Variants in CNTN1 observed in about 807,000 individuals in gnomAD.
CNTN1 encodes contactin-1.
In CNTN1, 38 loss-of-function variants were observed where a neutral mutation model predicts 126.4. That is an observed-to-expected ratio of 0.30 (90% CI 0.23 to 0.39). The LOEUF (loss-of-function observed/expected upper bound fraction) is 0.39, where lower values mean the gene tolerates loss of function less well. CNTN1 is among the 10% of genes least tolerant of loss of function. CNTN1 has a pLI of 1.00. For synonymous variants in CNTN1, 413 were observed against 422.6 expected (o/e 0.98, Z 0.28); for missense variants, 1,009 against 1,248.4 (o/e 0.81, Z 2.89).
At chr12:40,785,346 C>G (rs984404820) in intron 1 of CNTN1, among the ~76,000 whole-genome samples, 10 of 151,874 alleles carry the variant, frequency 6.6e-5, no homozygotes, top group Admixed American at 3.9e-4. Context: ...TAGTGGAAGA[C>G]GAAGTGGGAG....
At chr12:40,775,779 A>G (rs1207504364) in intron 1 of CNTN1, among the ~76,000 whole-genome samples, 1 of 151,642 alleles carries the variant, frequency 6.6e-6, no homozygotes, top group African/African-American at 2.4e-5. Flanking sequence ...CCTAAGTTAG[A>G]CACAAATAAC....
chr12:40,696,739 A>G (rs922324461), intron 1 of CNTN1, among the ~76,000 whole-genome samples: 1 of 152,192 alleles, frequency 6.6e-6, no homozygotes, highest in African/African-American at 2.4e-5. Flanking sequence ...TCAAAAGTCT[A>G]TCTATTTAAT....
chr12:40,984,876 C>T (rs1057451124), intron 16 of CNTN1, among the ~76,000 whole-genome samples: 4 of 151,886 alleles, frequency 2.6e-5, no homozygotes, highest in Admixed American at 2.0e-4. Flanking sequence ...AATATATATA[C>T]ATACATATAT....
At chr12:40,815,234 T>C (rs141309086) in intron 1 of CNTN1, among the ~76,000 whole-genome samples, 3,469 of 152,230 alleles carry the variant, frequency 0.023, 129 homozygotes, top group African/African-American at 0.078. Context: ...CTATAAATTA[T>C]TTTGGATAGT....
chr12:40,944,022 T>C lies in CNTN1; in HGVS notation c.1535T>C (p.Ile512Thr), dbSNP rs1397018208. ...TDPTRIILAP[I>T]NADITVGENA... The stretch of plus-strand genomic sequence containing the variant: ...CCTACGCGAATTATATTGGCCCCAA[T>C]TAATGCCGATATCACAGTTGGAGAA... The change falls in exon 14 of 24, where the codon ATT becomes ACT. Residue 512 changes from isoleucine (I) to threonine (T), a missense_variant. Ile to Thr is a moderately conservative substitution (Grantham distance 89, BLOSUM62 -1). Coordinates refer to ENST00000551295, the MANE Select transcript of CNTN1 (RefSeq NM_001843.4). 3 of 1,613,572 alleles carry C rather than the reference T, an allele frequency of 1.9e-6. No homozygotes were observed. Among genetic ancestry groups the C allele is most frequent in the Non-Finnish European group, 2.5e-6 (3 of 1,179,620 alleles).
intron 15 of CNTN1, among the ~76,000 whole-genome samples, chr12:40,969,321 G>A (rs1385439035): frequency 6.6e-6 from 1 of 152,096 alleles, no homozygotes; most frequent in Admixed American, 6.6e-5. Context: ...CTCATCATCG[G>A]TTTATGAAGC....
intron 1 of CNTN1, among the ~76,000 whole-genome samples, chr12:40,704,637 C>A (rs1221572862): frequency 3.3e-5 from 5 of 152,102 alleles, no homozygotes; most frequent in Non-Finnish European, 7.4e-5. Flanking sequence ...TTTTTATAAA[C>A]ACGTATGGTT....
chr12:40,871,186 GA>G lies in CNTN1; in HGVS notation c.-76-37143del, dbSNP rs201485882. Among the ~76,000 whole-genome samples, 770 of 112,932 alleles carry G rather than the reference GA, an allele frequency of 6.8e-3. 1 individual carries two copies. Among genetic ancestry groups the G allele is most frequent in the African/African-American group, 0.017 (595 of 35,390 alleles). 74.1% of individuals were successfully genotyped at this position (112,932 alleles called of 152,430 possible). A position where few individuals can be genotyped will look rare whatever the true frequency, so the allele number is the denominator to read the frequency against. On this transcript the variant is annotated intron_variant, in intron 1 of 23. Transcript: ENST00000551295. ...AGTAGTGACTTGGATCTGTTACAGA[GA>G]AAAAAAAAAAAAAAAAAAAAAAAAA...
intron 1 of CNTN1, among the ~76,000 whole-genome samples, chr12:40,829,226 T>C (rs144007018): frequency 6.6e-6 from 1 of 152,228 alleles, no homozygotes; most frequent in East Asian, 1.9e-4. Context: ...TCTTTAAGGC[T>C]ACTTTTCAAT....
At chr12:40,753,121 A>G (rs897780621) in intron 1 of CNTN1, among the ~76,000 whole-genome samples, 1 of 152,148 alleles carries the variant, frequency 6.6e-6, no homozygotes, top group Admixed American at 6.6e-5. Flanking sequence ...GCCTGCAACC[A>G]TGTGAATACT....
intron 3 of CNTN1, among the ~76,000 whole-genome samples, chr12:40,911,312 C>T (rs1945023464): frequency 6.6e-6 from 1 of 152,074 alleles, no homozygotes; most frequent in Non-Finnish European, 1.5e-5. Context: ...AATCTCCTGA[C>T]CTCGTGATCC....
intron 1 of CNTN1, among the ~76,000 whole-genome samples, chr12:40,824,219 G>C (rs73118717): frequency 0.023 from 3,422 of 151,990 alleles, 126 homozygotes; most frequent in African/African-American, 0.078. Context: ...TAATTTTGCC[G>C]TATCACCTGA....
intron 1 of CNTN1, among the ~76,000 whole-genome samples, chr12:40,753,026 T>A (rs1938462531): frequency 6.6e-6 from 1 of 152,168 alleles, no homozygotes; most frequent in African/African-American, 2.4e-5. Context: ...CATAATTAAA[T>A]ATCTTCACAT....
chr12:40,849,322 G>C (rs1351512771), intron 1 of CNTN1, among the ~76,000 whole-genome samples: 1 of 152,000 alleles, frequency 6.6e-6, no homozygotes. Context: ...TGATTAATAA[G>C]GGTGATTTTA....
At chr12:41,004,410 A>G (rs938316750) in intron 17 of CNTN1, among the ~76,000 whole-genome samples, 1 of 152,186 alleles carries the variant, frequency 6.6e-6, no homozygotes, top group Non-Finnish European at 1.5e-5. Context: ...AAGAATATAT[A>G]TTCTGTTATT....
chr12:40,748,880 G>A (rs1427078368), intron 1 of CNTN1, among the ~76,000 whole-genome samples: 1 of 152,088 alleles, frequency 6.6e-6, no homozygotes, highest in Non-Finnish European at 1.5e-5. Context: ...ACAATAAGCA[G>A]TAGTCTAAAA....
intron 1 of CNTN1, among the ~76,000 whole-genome samples, chr12:40,771,060 T>C (rs896200036): frequency 2.0e-5 from 3 of 152,106 alleles, no homozygotes; most frequent in African/African-American, 7.2e-5. Flanking sequence ...ATAATTATAG[T>C]CTGTCCATGT....
At chr12:40,834,160 A>C (rs190371662) in intron 1 of CNTN1, among the ~76,000 whole-genome samples, 101 of 152,348 alleles carry the variant, frequency 6.6e-4, no homozygotes, top group African/African-American at 2.4e-3. Context: ...TGCTTTGAAG[A>C]ATATGTATCA....
intron 7 of CNTN1, 51 bp downstream of exon 7, chr12:40,930,053 G>A (rs1945830740): frequency 7.6e-7 from 1 of 1,313,788 alleles, no homozygotes; most frequent in Non-Finnish European, 1.1e-6. Context: ...TCTACATATG[G>A]TATACTTACC....
Sources: gnomAD v4.1 joint callset for allele counts (sites outside exome capture counted in the v4.1 genomes callset) on GRCh38, gnomAD v4.1.1 for gene constraint, MANE v1.5 for transcripts, NCBI Gene and HGNC (gene_info 2026-07-23, HGNC 2026-07-21) for gene names.